EIF4G3: variants seen among roughly 807,000 people sequenced by gnomAD.
The protein encoded by EIF4G3 is eukaryotic translation initiation factor 4 gamma 3, also known as eIF-4-gamma 3.
A neutral mutation model predicts 186.4 loss-of-function variants in EIF4G3; 34 were observed. The ratio of observed to expected loss-of-function variants is 0.18; its 90% confidence interval spans 0.14 to 0.24. EIF4G3 has a LOEUF of 0.24. EIF4G3 is among the 10% of genes least tolerant of loss of function. The pLI, the probability that EIF4G3 is intolerant of heterozygous loss-of-function variation, is 1.00. For synonymous variants in EIF4G3, 673 were observed against 679.5 expected (o/e 0.99, Z 0.15); for missense variants, 1,536 against 1,948.5 (o/e 0.79, Z 3.99).
chr1:20,961,451 T>C (rs960536262), intron 12 of EIF4G3, among the ~76,000 whole-genome samples: 1 of 152,174 alleles, frequency 6.6e-6, no homozygotes, highest in Non-Finnish European at 1.5e-5. Context: ...CCCACAAAAA[T>C]TTAACACATT....
intron 8 of EIF4G3, 132 bp downstream of exon 8, chr1:20,982,256 T>C (rs1312902544): frequency 1.7e-5 from 12 of 687,140 alleles, no homozygotes; most frequent in Non-Finnish European, 2.7e-5. Context: ...CACTGCAAGA[T>C]TAAAAGCCTT....
At chr1:20,935,774 T>C in intron 14 of EIF4G3, among the ~76,000 whole-genome samples, 1 of 152,194 alleles carries the variant, frequency 6.6e-6, no homozygotes, top group East Asian at 1.9e-4. Flanking sequence ...TGATGGATAT[T>C]AGAGAAAGGG....
chr1:20,923,127 T>C (rs2094599680), intron 14 of EIF4G3, among the ~76,000 whole-genome samples: 1 of 152,200 alleles, frequency 6.6e-6, no homozygotes, highest in Non-Finnish European at 1.5e-5. Flanking sequence ...CAAGTCTGCC[T>C]TATCCTTCAC....
chr1:21,110,728 A>G (rs1286592809), intron 2 of EIF4G3, among the ~76,000 whole-genome samples: 2 of 124,930 alleles, frequency 1.6e-5, no homozygotes. Flanking sequence ...CACCACGCCC[A>G]GCCTTTTTTT....
chr1:20,857,417 G>C lies in EIF4G3; in HGVS notation c.3325C>G (p.Leu1109Val). 6.2e-7 allele frequency: 1 copy of C among 1,613,894 alleles called. No individual in the cohort carries two copies. Among genetic ancestry groups the C allele is most frequent in the Non-Finnish European group, 8.5e-7 (1 of 1,179,924 alleles). ...GTCAGACTCACCTTAGTGATTTTTA[G>C]GAATTTTGAGGGGTCCAGTACCCGA... ...NSRVLDPSKF[L>V]KITKPTIDEK... Residue 1109 changes from leucine to valine, a missense_variant, in exon 25 of 37, where the codon CTA becomes GTA. By Grantham distance (32) the Leu-to-Val change is conservative. Transcript: ENST00000602326.
chr1:21,027,636 A>G (rs2092309274), intron 4 of EIF4G3, among the ~76,000 whole-genome samples: 2 of 152,046 alleles, frequency 1.3e-5, no homozygotes, highest in South Asian at 4.1e-4. Context: ...TCTCAAAAAA[A>G]AGGAAAAGTG....
chr1:21,060,592 T>C (rs2094839465), intron 3 of EIF4G3, among the ~76,000 whole-genome samples: 2 of 151,606 alleles, frequency 1.3e-5, no homozygotes, highest in South Asian at 4.2e-4. Flanking sequence ...AACTGAAGAG[T>C]ACAAGAATAG....
At chr1:21,115,049 T>C (rs1316305223) in intron 2 of EIF4G3, among the ~76,000 whole-genome samples, 1 of 152,222 alleles carries the variant, frequency 6.6e-6, no homozygotes, top group Non-Finnish European at 1.5e-5. Flanking sequence ...TTTTCACAGT[T>C]GGCGAAAATG....
rs1001897453 is a variant in EIF4G3 at position 20,838,141 on chromosome 1, TATG to T, written c.4061+2712_4061+2714del. Among the ~76,000 whole-genome samples, 129 of 152,312 alleles carry T rather than the reference TATG, an allele frequency of 8.5e-4. 1 individual carries two copies. The highest frequency in any genetic ancestry group is 3.0e-3 in the African/African-American group (125 of 41,572). On this transcript the variant is annotated intron_variant, in intron 30 of 36. Transcript: ENST00000602326. ...CAACAAAACTGTAGCCACGTCTGGTTATGATATTTTTTCTTCAGAGAATCCCAC... is the reference window on the plus strand; with the variant it reads ...CAACAAAACTGTAGCCACGTCTGGTTATATTTTTTCTTCAGAGAATCCCAC...
chr1:21,047,030 G>A (rs2093931939), intron 4 of EIF4G3, among the ~76,000 whole-genome samples: 1 of 152,144 alleles, frequency 6.6e-6, no homozygotes, highest in Admixed American at 6.5e-5. Flanking sequence ...CAGGGCAGTA[G>A]AATTCTAATT....
At chr1:20,926,034 G>A (rs958286225) in intron 14 of EIF4G3, among the ~76,000 whole-genome samples, 1 of 152,134 alleles carries the variant, frequency 6.6e-6, no homozygotes, top group Admixed American at 6.5e-5. Context: ...TGTTTATCCA[G>A]CTGTAGCTTT....
At chr1:21,045,998 G>A (rs961820018) in intron 4 of EIF4G3, among the ~76,000 whole-genome samples, 4 of 152,136 alleles carry the variant, frequency 2.6e-5, no homozygotes, top group Non-Finnish European at 5.9e-5. Flanking sequence ...ACTTCCATAG[G>A]TTAAATTATA....
chr1:21,035,393 G>C (rs1000573599), intron 4 of EIF4G3, among the ~76,000 whole-genome samples: 3 of 152,204 alleles, frequency 2.0e-5, no homozygotes, highest in Non-Finnish European at 4.4e-5. Context: ...CAGCCACTCA[G>C]GTCATGGCTG....
intron 16 of EIF4G3, among the ~76,000 whole-genome samples, chr1:20,897,687 T>C (rs979050132): frequency 6.6e-6 from 1 of 152,092 alleles, no homozygotes; most frequent in Non-Finnish European, 1.5e-5. Flanking sequence ...TTTTCCACCA[T>C]ATCTTTATTA....
intron 14 of EIF4G3, among the ~76,000 whole-genome samples, chr1:20,939,378 TTTGA>T (rs2095629305): frequency 6.6e-6 from 1 of 152,216 alleles, no homozygotes; most frequent in Non-Finnish European, 1.5e-5. Flanking sequence ...GTCTATACTC[TTTGA>T]TTAAGGTGCT....
At chr1:20,956,513 G>GGGACTTGCTGAT (rs1558427284) in intron 12 of EIF4G3, among the ~76,000 whole-genome samples, 7 of 149,462 alleles carry the variant, frequency 4.7e-5, no homozygotes. Flanking sequence ...TGAGTCAAAT[G>GGGACTTGCTGAT]GGACTTGCTG....
rs560010967 is a variant in EIF4G3 at position 20,937,151 on chromosome 1, T to C, written c.1663+4340A>G. Among the ~76,000 whole-genome samples the C allele has an allele frequency of 3.3e-5, 5 of 152,208 alleles. No homozygotes were observed. In the East Asian group the frequency reaches 9.6e-4, roughly 29 times the overall value. ...CACATAAAGCTCTGAGACTCCCAAA[T>C]GGGTGACATGCTCAGTGAAAAGATA... On this transcript the variant is annotated intron_variant, in intron 14 of 36. Coordinates refer to ENST00000602326, the MANE Select transcript of EIF4G3 (RefSeq NM_001391906.1).
intron 14 of EIF4G3, among the ~76,000 whole-genome samples, chr1:20,912,652 G>C (rs1222284636): frequency 6.6e-6 from 1 of 152,116 alleles, no homozygotes; most frequent in Non-Finnish European, 1.5e-5. Context: ...TTCTAATAAT[G>C]GAACTTTCAG....
At chr1:20,850,597 CACA>C (rs1451325480) in intron 28 of EIF4G3, among the ~76,000 whole-genome samples, 18 of 152,192 alleles carry the variant, frequency 1.2e-4, no homozygotes, top group Admixed American at 1.1e-3. Context: ...TATTCGTCAT[CACA>C]ACATTTAATA....
Sources: gnomAD v4.1 joint callset for allele counts (sites outside exome capture counted in the v4.1 genomes callset) on GRCh38, gnomAD v4.1.1 for gene constraint, MANE v1.5 for transcripts, NCBI Gene and HGNC (gene_info 2026-07-23, HGNC 2026-07-21) for gene names.